The following BUB3 variants were observed in gnomAD, a reference collection of about 807,000 sequenced individuals.
The protein encoded by BUB3 is BUB3 mitotic checkpoint protein.
BUB3 carries 22 observed loss-of-function variants against 39.9 expected under a neutral mutation model. The ratio of observed to expected loss-of-function variants is 0.55; its 90% confidence interval spans 0.39 to 0.79. The LOEUF (loss-of-function observed/expected upper bound fraction) is 0.79, where lower values mean the gene tolerates loss of function less well. BUB3 is among the 30% of genes least tolerant of loss of function. BUB3 has a pLI of 0.00. For synonymous variants in BUB3, 168 were observed against 155.1 expected (o/e 1.08, Z -0.62); for missense variants, 303 against 415.4 (o/e 0.73, Z 2.35).
At chr10:123,155,153 T>TA (rs1844334162) in intron 2 of BUB3, 41 bp downstream of exon 2, 2 of 1,591,084 alleles carry the variant, frequency 1.3e-6, no homozygotes, top group Non-Finnish European at 1.7e-6. Context: ...CTTACTGTGT[T>TA]AACGATTCTC....
Position 123,155,082 on chromosome 10 carries a change from C to T in BUB3, c.165C>T (p.His55=). Residue 55 remains histidine, a synonymous_variant, in exon 2 of 8, where the codon CAC becomes CAT. Transcript: ENST00000368865. Reference sequence around the variant, plus strand: ...ACTCCATGCGGCTCAAGTACCAGCACACCGGCGCCGTCCTGGACTGCGCCT... The same window carrying T: ...ACTCCATGCGGCTCAAGTACCAGCATACCGGCGCCGTCCTGGACTGCGCCT... The part of the protein sequence containing the change: ...PANSMRLKYQ[H]TGAVLDCAFY... 1 of 1,614,096 alleles carries T rather than the reference C, an allele frequency of 6.2e-7. No individual in the cohort carries two copies. The highest frequency in any genetic ancestry group is 1.3e-5 in the African/African-American group (1 of 75,048).
At position 123,165,120 on chromosome 10, in the gene BUB3, T is replaced by A. The variant is rs1844473106; in HGVS notation, c.*1285T>A. ...TTGCTTCCTACAAATACATGCTTAT[T>A]CCTTAAGGGATGTGTTAGAGTTACT... On this transcript the variant is annotated 3_prime_UTR_variant, in exon 8 of 8. Transcript: ENST00000368865. 1 of 1,531,338 alleles carries A rather than the reference T, an allele frequency of 6.5e-7. No homozygotes were observed. Among genetic ancestry groups the A allele is most frequent in the Non-Finnish European group, 9.0e-7 (1 of 1,109,372 alleles). 94.9% of individuals were successfully genotyped at this position (1,531,338 alleles called of 1,614,324 possible).
Position 123,163,995 on chromosome 10 carries a change from A to T in BUB3, c.*160A>T, listed in dbSNP as rs566010640. 1.2e-3 allele frequency: 1,517 copies of T among 1,294,102 alleles called. 1 individual carries two copies. Among genetic ancestry groups the T allele is most frequent in the Middle Eastern group, 8.6e-3 (29 of 3,388 alleles). The allele number at this position is 1,294,102 out of a possible 1,614,324, so 80.2% of individuals were successfully genotyped here. ...AAGAGGTTTTTGAATTTTTTTTTTTAAATAAACACCTTCTTAAGTGCATGA... is the reference window on the plus strand; with the variant it reads ...AAGAGGTTTTTGAATTTTTTTTTTTTAATAAACACCTTCTTAAGTGCATGA... On this transcript the variant is annotated 3_prime_UTR_variant, in exon 8 of 8. Transcript: ENST00000368865.
rs562196354 is a variant in BUB3, at chr10:123,164,585, C to T, written c.*750C>T. On this transcript the variant is annotated 3_prime_UTR_variant, in exon 8 of 8. Coordinates refer to ENST00000368865, the MANE Select transcript of BUB3 (RefSeq NM_004725.4). The stretch of plus-strand genomic sequence containing the variant: ...TGTGTATTTGGAAAAATAATTGTAA[C>T]GTAATTGCAGTGCATTTAGACAGGC... 10 of 987,406 alleles carry T rather than the reference C, an allele frequency of 1.0e-5. No individual in the cohort carries two copies. In the South Asian group the frequency reaches 1.9e-4, roughly 18 times the overall value. 61.2% of individuals were successfully genotyped at this position (987,406 alleles called of 1,614,324 possible).
Position 123,160,582 on chromosome 10 carries a change from C to T in BUB3, c.576+17C>T. The T allele has an allele frequency of 6.6e-7, 1 of 1,520,438 alleles. No individual in the cohort carries two copies. The highest frequency in any genetic ancestry group is 8.8e-7 in the Non-Finnish European group (1 of 1,134,390). The allele number at this position is 1,520,438 out of a possible 1,614,324, so 94.2% of individuals were successfully genotyped here. ...AACAAGCAGGTATTGAACTATACCT[C>T]CTCTTCTTTCTGGAATTTGAAAATA... is the stretch of plus-strand genomic sequence containing the variant. On this transcript the variant is annotated intron_variant, in intron 5 of 7. Coordinates refer to ENST00000368865, the MANE Select transcript of BUB3 (RefSeq NM_004725.4).
chr10:123,162,700 A>C lies in BUB3; in HGVS notation c.843A>C (p.Ser281=), dbSNP rs769592647. The change falls in exon 7 of 8, where the codon TCA becomes TCC. Residue 281 remains serine (S), a synonymous_variant. Transcript: ENST00000368865. ...ATCGGTACCCCACGAGCATCGCATC[A>C]CTTGCCTTCAGTAATGATGGGACTA... ...QFHRYPTSIA[S]LAFSNDGTTL... The C allele has an allele frequency of 6.2e-7, 1 of 1,612,660 alleles. No homozygotes were observed. The highest frequency in any genetic ancestry group is 1.1e-5 in the South Asian group (1 of 90,582).
At chr10:123,159,717 A>T (rs1035579115) in intron 4 of BUB3, among the ~76,000 whole-genome samples, 2 of 152,362 alleles carry the variant, frequency 1.3e-5, no homozygotes, top group African/African-American at 2.4e-5. Context: ...AATTTTCCCT[A>T]ATGTTGAACT....
In BUB3 at chr10:123,162,309, A is replaced by G; in HGVS notation, c.650A>G (p.Lys217Arg). 6.2e-7 allele frequency: 1 copy of G among 1,614,172 alleles called. No homozygotes were observed. The highest frequency in any genetic ancestry group is 8.5e-7 in the Non-Finnish European group (1 of 1,179,992). The change falls in exon 6 of 8, where the codon AAG (lysine) becomes AGG (arginine). Residue 217 changes from lysine to arginine, a missense_variant. Physicochemically the swap from Lys to Arg is conservative, Grantham distance 26 (BLOSUM62 2). Coordinates refer to ENST00000368865, the MANE Select transcript of BUB3 (RefSeq NM_004725.4). ...GACCCAAGCCCTGAGGTACAGAAGA[A>G]GAAGTATGCCTTCAAATGTCACAGA... ...YLDPSPEVQK[K>R]KYAFKCHRLK...
rs756642442 is a variant in BUB3 at position 123,156,753 on chromosome 10, G to GTTTTTTTTTTTTTT, written c.266-965_266-964insTTTTTTTTTTTTTT. On this transcript the variant is annotated intron_variant, in intron 3 of 7. Transcript: ENST00000368865. The stretch of plus-strand genomic sequence containing the variant: ...ATGAAATCCTTTCTTTTTCTTTCTT[G>GTTTTTTTTTTTTTT]TTTTTTTTTTTGAGCTAGAGTCTCA... Among the ~76,000 whole-genome samples, 203 of 135,080 alleles carry GTTTTTTTTTTTTTT rather than the reference G, an allele frequency of 1.5e-3. 11 individuals carry two copies. The highest frequency in any genetic ancestry group is 4.7e-3 in the African/African-American group (169 of 35,678). The allele number at this position is 135,080 out of a possible 152,430, so 88.6% of individuals were successfully genotyped here.
chr10:123,167,742 A>T lies in BUB3; in HGVS notation c.*3907A>T, dbSNP rs1051541753. The T allele has an allele frequency of 6.6e-6, 1 of 152,212 alleles. No individual in the cohort carries two copies. The highest frequency in any genetic ancestry group is 6.5e-5 in the Admixed American group (1 of 15,282). The allele number at this position is 152,212 out of a possible 1,614,324, so 9.4% of individuals were successfully genotyped here. ...CATGCAAAAAATGAAACATACTATC[A>T]CAATCCTATGATATAACTTAAAAAT... On this transcript the variant is annotated 3_prime_UTR_variant, in exon 8 of 8. Coordinates refer to ENST00000368865, the MANE Select transcript of BUB3 (RefSeq NM_004725.4).
chr10:123,158,788 A>C (rs573399751), intron 4 of BUB3, among the ~76,000 whole-genome samples: 2 of 152,246 alleles, frequency 1.3e-5, no homozygotes, highest in Non-Finnish European at 2.9e-5. Context: ...ACAGAATATC[A>C]TATAATGGAC....
Position 123,155,061 on chromosome 10 carries a change from C to T in BUB3, c.144C>T (p.Ser48=). The T allele has an allele frequency of 1.2e-6, 2 of 1,614,208 alleles. No homozygotes were observed. Among genetic ancestry groups the T allele is most frequent in the South Asian group, 1.1e-5 (1 of 91,086 alleles). ...GTCTCTACGATGTGCCGGCCAACTC[C>T]ATGCGGCTCAAGTACCAGCACACCG... ...SVRLYDVPAN[S]MRLKYQHTGA... The change falls in exon 2 of 8, where the codon TCC becomes TCT. Residue 48 remains serine, a synonymous_variant. Coordinates refer to ENST00000368865, the MANE Select transcript of BUB3 (RefSeq NM_004725.4).
chr10:123,154,878 C>T (rs1386018237), intron 1 of BUB3, 40 bp from the exon 2 acceptor site: 2 of 1,575,328 alleles, frequency 1.3e-6, no homozygotes, highest in Admixed American at 1.7e-5. Context: ...GCAGCCCCAG[C>T]CCGCGGGACC....
At chr10:123,156,750 C>CTTTTTTTTTTTTTTTTTTTTTTTTT (rs1589688487) in intron 3 of BUB3, among the ~76,000 whole-genome samples, 6 of 123,398 alleles carry the variant, frequency 4.9e-5, no homozygotes, top group Non-Finnish European at 3.4e-5. Flanking sequence ...CTTTTTCTTT[C>CTTTTTTTTTTTTTTTTTTTTTTTTT]TTGTTTTTTT....
chr10:123,155,696 A>G lies in BUB3; in HGVS notation c.234A>G (p.Gln78=), dbSNP rs753882075. The change falls in exon 3 of 8, where the codon CAA becomes CAG. Residue 78 remains glutamine, a synonymous_variant. Transcript: ENST00000368865. Reference sequence around the variant, plus strand: ...CCTGGAGTGGAGGACTAGATCATCAATTGAAAATGCATGATTTGAACACTG... The same window carrying G: ...CCTGGAGTGGAGGACTAGATCATCAGTTGAAAATGCATGATTTGAACACTG... The part of the protein sequence containing the change: ...THAWSGGLDH[Q]LKMHDLNTDQ... 5.0e-6 allele frequency: 8 copies of G among 1,614,180 alleles called. No individual in the cohort carries two copies. The highest frequency in any genetic ancestry group is 6.8e-6 in the Non-Finnish European group (8 of 1,180,016).
In BUB3 at chr10:123,165,113, T is replaced by A. The variant is rs188288241; in HGVS notation, c.*1278T>A. 97 of 1,553,202 alleles carry A rather than the reference T, an allele frequency of 6.2e-5. No individual in the cohort carries two copies. In the African/African-American group the frequency reaches 1.2e-3, roughly 20 times the overall value. On this transcript the variant is annotated 3_prime_UTR_variant, in exon 8 of 8. Transcript: ENST00000368865. Reference sequence around the variant, plus strand: ...GCTTTGTTTGCTTCCTACAAATACATGCTTATTCCTTAAGGGATGTGTTAG... The same window carrying A: ...GCTTTGTTTGCTTCCTACAAATACAAGCTTATTCCTTAAGGGATGTGTTAG...
At chr10:123,157,608 T>G in intron 3 of BUB3, 121 bp from the exon 4 acceptor site, 1 of 1,148,932 alleles carries the variant, frequency 8.7e-7, no homozygotes, top group Non-Finnish European at 1.2e-6. Context: ...TTCCATGGGG[T>G]TGGATGAGGC....
At chr10:123,161,609 C>T (rs1321671416) in intron 5 of BUB3, among the ~76,000 whole-genome samples, 1 of 151,886 alleles carries the variant, frequency 6.6e-6, no homozygotes, top group East Asian at 1.9e-4. Context: ...TTTTTCATAC[C>T]TTGAAGGATT....
intron 1 of BUB3, 67 bp from the exon 2 acceptor site, chr10:123,154,851 T>G: frequency 6.5e-7 from 1 of 1,527,060 alleles, no homozygotes; most frequent in Non-Finnish European, 8.9e-7. Context: ...GGACCCCCAG[T>G]GCCAGGCTGT....
Sources: gnomAD v4.1 joint callset for allele counts (sites outside exome capture counted in the v4.1 genomes callset) on GRCh38, gnomAD v4.1.1 for gene constraint, MANE v1.5 for transcripts, NCBI Gene and HGNC (gene_info 2026-07-23, HGNC 2026-07-21) for gene names.